Variants in IARS2 observed in about 807,000 individuals in gnomAD.
IARS2 encodes isoleucine--tRNA ligase, mitochondrial.
A neutral mutation model predicts 126.3 loss-of-function variants in IARS2; 56 were observed. The observed-to-expected ratio is 0.44, with a 90% CI of 0.36 to 0.55. IARS2 has a LOEUF of 0.55. IARS2 is among the 20% of genes least tolerant of loss of function. IARS2 has a pLI of 0.00. For synonymous variants in IARS2, 407 were observed against 441.1 expected (o/e 0.92, Z 0.97); for missense variants, 1,127 against 1,245.9 (o/e 0.90, Z 1.44).
chr1:220,094,429 C>T lies in IARS2; in HGVS notation c.213C>T (p.Phe71=). ...CGGTGCTGCTGCCGCAGACGAGCTT[C>T]CCCATGAAGCTGCTGGGCCGCCAGC... is the stretch of plus-strand genomic sequence containing the variant. The part of the protein sequence containing the change: ...RDTVLLPQTS[F]PMKLLGRQQP... Residue 71 remains phenylalanine, a synonymous_variant, in exon 1 of 23, where the codon TTC becomes TTT. Coordinates refer to ENST00000366922, the MANE Select transcript of IARS2 (RefSeq NM_018060.4). 1.2e-6 allele frequency: 2 copies of T among 1,611,928 alleles called. No homozygotes were observed. The highest frequency in any genetic ancestry group is 1.1e-5 in the South Asian group (1 of 90,988).
chr1:220,133,821 G>T (rs1426882633), intron 14 of IARS2, among the ~76,000 whole-genome samples: 1 of 151,682 alleles, frequency 6.6e-6, no homozygotes, highest in African/African-American at 2.4e-5. Flanking sequence ...CAATATTTTA[G>T]TATATATTTC....
chr1:220,095,490 T>G (rs1297409943), intron 1 of IARS2, among the ~76,000 whole-genome samples: 1 of 152,232 alleles, frequency 6.6e-6, no homozygotes, highest in Non-Finnish European at 1.5e-5. Flanking sequence ...TTTTAAAGGT[T>G]TTTTAGTCAA....
chr1:220,138,764 T>A (rs1440491349), intron 17 of IARS2, among the ~76,000 whole-genome samples: 1 of 152,052 alleles, frequency 6.6e-6, no homozygotes, highest in Non-Finnish European at 1.5e-5. Context: ...AATAAAGAAA[T>A]ATAATGAAAA....
intron 19 of IARS2, 144 bp downstream of exon 19, chr1:220,140,433 G>GC: frequency 1.7e-6 from 1 of 581,630 alleles, no homozygotes; most frequent in South Asian, 2.1e-5. Context: ...ACAAAAATTA[G>GC]CCGGGCATGG....
intron 22 of IARS2, among the ~76,000 whole-genome samples, chr1:220,146,443 C>T (rs888911107): frequency 1.5e-5 from 2 of 135,342 alleles, no homozygotes; most frequent in African/African-American, 2.8e-5. Context: ...GCGTGAACCC[C>T]GGAGGCGGAG....
At chr1:220,145,065 C>T (rs1486953845) in intron 21 of IARS2, among the ~76,000 whole-genome samples, 1 of 151,508 alleles carries the variant, frequency 6.6e-6, no homozygotes, top group African/African-American at 2.4e-5. Context: ...TATTTTAGCC[C>T]CTCACCCAAT....
In IARS2 at chr1:220,143,140, C is replaced by T. The variant is rs1165764736; in HGVS notation, c.2751+6C>T. 1 of 1,605,238 alleles carries T rather than the reference C, an allele frequency of 6.2e-7. No homozygotes were observed. The highest frequency in any genetic ancestry group is 1.7e-5 in the Admixed American group (1 of 59,740). ...TGCTTTTTGAGATAATAGAGGTATG[C>T]AGCAATATGTACCTTTTGAAATGGT... On this transcript the variant is annotated splice_donor_region_variant and intron_variant, in intron 21 of 22. Coordinates refer to ENST00000366922, the MANE Select transcript of IARS2 (RefSeq NM_018060.4).
At chr1:220,094,504 C>T (rs1656395287) in intron 1 of IARS2, 21 bp downstream of exon 1, 2 of 1,564,740 alleles carry the variant, frequency 1.3e-6, no homozygotes, top group Non-Finnish European at 1.7e-6. Flanking sequence ...CGCCTCGGCG[C>T]GGGGCCTCCA....
chr1:220,134,308 C>A, intron 14 of IARS2, 94 bp from the exon 15 acceptor site: 1 of 827,998 alleles, frequency 1.2e-6, no homozygotes, highest in Non-Finnish European at 1.8e-6. Context: ...ACTTCCCTTC[C>A]TCCCCACTAA....
intron 2 of IARS2, among the ~76,000 whole-genome samples, chr1:220,099,290 A>G (rs996602822): frequency 6.6e-6 from 1 of 151,852 alleles, no homozygotes; most frequent in African/African-American, 2.4e-5. Flanking sequence ...AAATTTTTCT[A>G]GTGGCCCCAG....
Position 220,114,428 on chromosome 1 carries a change from A to G in IARS2, c.1594A>G (p.Ile532Val), listed in dbSNP as rs767031457. The G allele has an allele frequency of 2.4e-5, 38 of 1,613,898 alleles. No individual in the cohort carries two copies. Among genetic ancestry groups the G allele is most frequent in the Non-Finnish European group, 3.0e-5 (35 of 1,179,940 alleles). The change falls in exon 12 of 23, where the codon ATT becomes GTT. Residue 532 changes from isoleucine to valine, a missense_variant. Ile to Val is a conservative substitution (Grantham distance 29, BLOSUM62 3). Transcript: ENST00000366922. ...AAGGCAAAGAGTTTGGGGTGTTCCA[A>G]TTCCTGTGTTTCATCATAAGACCAA... ...ISRQRVWGVPIPVFHHKTKDE... is the reference protein window; with the variant it reads ...ISRQRVWGVPVPVFHHKTKDE...
At chr1:220,105,542 T>C (rs906419205) in intron 8 of IARS2, among the ~76,000 whole-genome samples, 1 of 152,128 alleles carries the variant, frequency 6.6e-6, no homozygotes, top group African/African-American at 2.4e-5. Context: ...TTGTATGGGG[T>C]AGGTTTTCTT....
intron 14 of IARS2, among the ~76,000 whole-genome samples, chr1:220,127,743 C>A (rs1177816122): frequency 2.0e-5 from 3 of 152,134 alleles, no homozygotes; most frequent in Admixed American, 6.5e-5. Flanking sequence ...CTATTTCCTT[C>A]ATTTAAGCCT....
intron 2 of IARS2, 107 bp from the exon 3 acceptor site, chr1:220,100,383 C>T: frequency 1.1e-6 from 1 of 934,978 alleles, no homozygotes; most frequent in East Asian, 2.8e-5. Flanking sequence ...AATTGTAGGC[C>T]AAATATTTTA....
At chr1:220,099,147 G>T (rs1478488989) in intron 2 of IARS2, among the ~76,000 whole-genome samples, 1 of 151,602 alleles carries the variant, frequency 6.6e-6, no homozygotes, top group Non-Finnish European at 1.5e-5. Flanking sequence ...GGGAGGCAGA[G>T]GTTGCAGTGA....
rs546083474 is a variant in IARS2 at position 220,146,028 on chromosome 1, AT to A, written c.2896+377del. Among the ~76,000 whole-genome samples, 160 of 152,276 alleles carry A rather than the reference AT, an allele frequency of 1.1e-3. 1 individual carries two copies. The highest frequency in any genetic ancestry group is 3.8e-3 in the African/African-American group (157 of 41,558). On this transcript the variant is annotated intron_variant, in intron 22 of 22. Transcript: ENST00000366922. ...TCCTGCCCACTGTTCCCCAGTATTGATTCTAAAATTTCCTATTATGTATACC... is the reference window on the plus strand; with the variant it reads ...TCCTGCCCACTGTTCCCCAGTATTGATCTAAAATTTCCTATTATGTATACC...
At chr1:220,138,613 AT>A (rs1657427912) in intron 17 of IARS2, among the ~76,000 whole-genome samples, 1 of 151,602 alleles carries the variant, frequency 6.6e-6, no homozygotes, top group South Asian at 2.1e-4. Context: ...GATTATATTA[AT>A]TTTGTATACT....
At chr1:220,136,999 A>G (rs1324117105) in intron 16 of IARS2, 88 bp downstream of exon 16, 2 of 697,586 alleles carry the variant, frequency 2.9e-6, no homozygotes, top group Non-Finnish European at 4.8e-6. Context: ...CTTCAATGTA[A>G]AAATAAAAAC....
intron 12 of IARS2, among the ~76,000 whole-genome samples, chr1:220,123,425 T>C (rs758795399): frequency 1.3e-5 from 2 of 152,198 alleles, no homozygotes. Flanking sequence ...CTTACTGATA[T>C]CCAGCTTTTA....
Sources: allele counts gnomAD v4.1 joint callset (sites outside exome capture counted in the v4.1 genomes callset), GRCh38; gene constraint gnomAD v4.1.1; transcripts MANE v1.5; gene names NCBI Gene and HGNC (gene_info 2026-07-23, HGNC 2026-07-21).